CC2D2B: variants seen among roughly 807,000 people sequenced by gnomAD.
CC2D2B encodes protein CC2D2B.
CC2D2B carries 128 observed loss-of-function variants against 161.2 expected under a neutral mutation model. The ratio of observed to expected loss-of-function variants is 0.79; its 90% CI spans 0.69 to 0.92. The LOEUF is 0.92. Ranked by LOEUF, CC2D2B falls within the 40% of genes least tolerant of loss-of-function variation. The pLI, the probability that CC2D2B is intolerant of heterozygous loss-of-function variation, is 0.00. For missense variants in CC2D2B, 1,173 were observed against 1,375.1 expected, an observed-to-expected ratio of 0.85 and a Z score of 2.32; for synonymous variants, 391 against 449.8, an observed-to-expected ratio of 0.87 and a Z score of 1.65.
chr10:95,909,264 AAAGAATTGTTAAGTT>A (rs2098501815), intron 1 of CC2D2B, among the ~76,000 whole-genome samples: 1 of 152,256 alleles, frequency 6.6e-6, no homozygotes, highest in Non-Finnish European at 1.5e-5. Context: ...TTAACTAAGT[AAAGAATTGTTAAGTT>A]AAATTCCACT....
At chr10:95,938,770 A>T in intron 8 of CC2D2B, 27 bp from the exon 9 acceptor site, 1 of 704,388 alleles carries the variant, frequency 1.4e-6, no homozygotes, top group Non-Finnish European at 2.6e-6. Flanking sequence ...AAAATATTTA[A>T]TTACTATACT....
chr10:95,982,167 C>T, intron 18 of CC2D2B, 54 bp downstream of exon 18: 3 of 1,126,736 alleles, frequency 2.7e-6, no homozygotes, highest in South Asian at 4.5e-5. Context: ...CTAAGCTCTA[C>T]TTAGGAAAGT....
intron 9 of CC2D2B, among the ~76,000 whole-genome samples, chr10:95,941,537 CA>C (rs1387653053): frequency 2.0e-5 from 3 of 151,122 alleles, no homozygotes; most frequent in Admixed American, 2.0e-4. Flanking sequence ...GACATTTCTC[CA>C]AAAAAAACCA....
At position 96,001,863 on chromosome 10, in the gene CC2D2B, C is replaced by T. The variant is rs1590830628; in HGVS notation, c.2850-2289C>T. 7.9e-5 allele frequency among the ~76,000 whole-genome samples: 12 copies of T among 152,272 alleles called. 3 individuals are homozygous for T. The highest frequency in any genetic ancestry group is 7.8e-4 in the Admixed American group (12 of 15,298). ...CTGAATCTTGTACCTCTCACTTTGC[C>T]TTGTTTTCTGACACTTGCTTTCTTG... On this transcript the variant is annotated intron_variant, in intron 24 of 34. Coordinates refer to ENST00000646931, the MANE Select transcript of CC2D2B (RefSeq NM_001349008.3).
chr10:96,029,290 A>ATG (rs1564689352), intron 34 of CC2D2B, among the ~76,000 whole-genome samples: 1 of 92,054 alleles, frequency 1.1e-5, no homozygotes, highest in Non-Finnish European at 2.2e-5. Context: ...ATATATGTAT[A>ATG]TATATATATA....
intron 14 of CC2D2B, among the ~76,000 whole-genome samples, chr10:95,966,990 C>A (rs929481260): frequency 6.6e-6 from 1 of 152,060 alleles, no homozygotes; most frequent in Non-Finnish European, 1.5e-5. Flanking sequence ...TTTTCAACAT[C>A]TCTATCCCAT....
At chr10:95,909,240 C>T (rs1264309261) in intron 1 of CC2D2B, among the ~76,000 whole-genome samples, 14 of 152,216 alleles carry the variant, frequency 9.2e-5, no homozygotes. Flanking sequence ...CTGTGAAATA[C>T]TGCTATATTC....
Position 95,965,927 on chromosome 10 carries a change from C to CA in CC2D2B, c.1285dup (p.Ile429AsnfsTer6), listed in dbSNP as rs2076925949. The stretch of plus-strand genomic sequence containing the variant: ...AATGAATAAATGTGATGAACAAGAG[C>CA]AAATCTCAGAAATGTCTGAAACTGA... On this transcript the variant is annotated frameshift_variant, in exon 13 of 35. Transcript: ENST00000646931. LOFTEE classifies it high-confidence loss of function. The CA allele has an allele frequency of 3.3e-6, 4 of 1,210,560 alleles. No homozygotes were observed. Among genetic ancestry groups the CA allele is most frequent in the South Asian group, 4.2e-5 (1 of 23,880 alleles). The allele number at this position is 1,210,560 out of a possible 1,614,324, so 75.0% of individuals were successfully genotyped here.
At chr10:96,011,123 A>C (rs1564667823) in intron 26 of CC2D2B, among the ~76,000 whole-genome samples, 1 of 152,220 alleles carries the variant, frequency 6.6e-6, no homozygotes, top group Non-Finnish European at 1.5e-5. Context: ...GCTATTGGTA[A>C]GGAAGTGGGA....
chr10:95,999,920 T>C, intron 24 of CC2D2B: 1 of 521,786 alleles, frequency 1.9e-6, no homozygotes, highest in South Asian at 1.8e-5. Context: ...TCTGATCATT[T>C]TCCTTCACGT....
At position 95,988,485 on chromosome 10, in the gene CC2D2B, C is replaced by T. The variant is rs138637118; in HGVS notation, c.2379+143C>T. The stretch of plus-strand genomic sequence containing the variant: ...CTCTTTCAGATCACTGAGGAGTTTT[C>T]TGTTCTTTTCAGACCTCTTTTTGAG... On this transcript the variant is annotated intron_variant, in intron 20 of 34. Coordinates refer to ENST00000646931, the MANE Select transcript of CC2D2B (RefSeq NM_001349008.3). 624 of 392,950 alleles carry T rather than the reference C, an allele frequency of 1.6e-3. 3 individuals carry two copies. The highest frequency in any genetic ancestry group is 0.012 in the African/African-American group (569 of 48,570). 24.3% of individuals were successfully genotyped at this position (392,950 alleles called of 1,614,324 possible). A position where few individuals can be genotyped will look rare whatever the true frequency, so the allele number is the denominator to read the frequency against.
At position 95,915,310 on chromosome 10, in the gene CC2D2B, G is replaced by T. The variant is rs563724859; in HGVS notation, c.36+3951G>T. On this transcript the variant is annotated intron_variant, in intron 2 of 34. Transcript: ENST00000646931. ...TTCATCATTTCTAATTTTTTTTTGT[G>T]AAGTCTTTATGTTTTTCTAAATACA... 4.9e-4 allele frequency among the ~76,000 whole-genome samples: 74 copies of T among 151,298 alleles called. No homozygotes were observed. The South Asian group carries it at 9.4e-3, about 19-fold the overall frequency.
chr10:95,926,947 A>T (rs2098540500), intron 5 of CC2D2B, among the ~76,000 whole-genome samples: 1 of 151,928 alleles, frequency 6.6e-6, no homozygotes, highest in South Asian at 2.1e-4. Flanking sequence ...CATTTTGGTC[A>T]AACTCTTATC....
chr10:95,966,904 C>A (rs986153104), intron 14 of CC2D2B, among the ~76,000 whole-genome samples: 1 of 151,948 alleles, frequency 6.6e-6, no homozygotes, highest in Non-Finnish European at 1.5e-5. Context: ...TAGGTAACCC[C>A]ATTTCTCCAT....
intron 17 of CC2D2B, among the ~76,000 whole-genome samples, chr10:95,977,527 T>C (rs553031720): frequency 6.6e-6 from 1 of 152,388 alleles, no homozygotes; most frequent in South Asian, 2.1e-4. Context: ...CATAGTTCAT[T>C]GACTTTTATG....
intron 2 of CC2D2B, chr10:95,918,931 A>AT (rs1446284973): frequency 6.6e-6 from 1 of 151,288 alleles, no homozygotes; most frequent in Non-Finnish European, 1.5e-5. Flanking sequence ...TTTTCAATTG[A>AT]TTTTTTCAGC....
intron 17 of CC2D2B, among the ~76,000 whole-genome samples, chr10:95,979,878 G>C (rs1290366039): frequency 6.6e-6 from 1 of 152,130 alleles, no homozygotes; most frequent in Non-Finnish European, 1.5e-5. Context: ...ACTGAATTGT[G>C]TATTTTAAAA....
intron 22 of CC2D2B, among the ~76,000 whole-genome samples, chr10:95,993,913 T>G (rs2078082652): frequency 4.1e-4 from 1 of 2,458 alleles, no homozygotes; most frequent in Non-Finnish European, 8.2e-4. Flanking sequence ...TGTGTGTGTG[T>G]GTGTGTGTGT....
At chr10:95,984,530 TATG>T (rs1487184784) in intron 19 of CC2D2B, 2 of 152,082 alleles carry the variant, frequency 1.3e-5, no homozygotes, top group Admixed American at 6.5e-5. Flanking sequence ...ATAAAACAAA[TATG>T]ATAAAATATT....
Sources: gnomAD v4.1 joint callset for allele counts (sites outside exome capture counted in the v4.1 genomes callset) on GRCh38, gnomAD v4.1.1 for gene constraint, MANE v1.5 for transcripts, NCBI Gene and HGNC (gene_info 2026-07-23, HGNC 2026-07-21) for gene names.